Variants in CANX observed in about 807,000 individuals in gnomAD.
CANX encodes epididymis secretory sperm binding protein.
Under a neutral mutation model 75.7 loss-of-function variants are expected in CANX, and 14 were observed. The ratio of observed to expected loss-of-function variants is 0.19; its 90% CI spans 0.12 to 0.29. The LOEUF (loss-of-function observed/expected upper bound fraction) is 0.29. CANX is among the 10% of genes least tolerant of loss of function. The probability of loss-of-function intolerance (pLI) is 1.00; values close to 1 mark genes in which losing one functional copy is unlikely to be tolerated. For missense variants in CANX, 567 were observed against 713.2 expected, an observed-to-expected ratio of 0.79 and a Z score of 2.34; for synonymous variants, 227 against 236.9, an observed-to-expected ratio of 0.96 and a Z score of 0.38.
At chr5:179,696,747 T>G (rs1426431796), upstream of CANX, among the ~76,000 whole-genome samples, 1 of 152,226 alleles carries the variant, frequency 6.6e-6, no homozygotes, top group African/African-American at 2.4e-5. Context: ...CTTTTTCACA[T>G]GACACTAAAT....
At chr5:179,683,999 T>G (rs1776137103) in intron 1 of CANX, among the ~76,000 whole-genome samples, 1 of 152,186 alleles carries the variant, frequency 6.6e-6, no homozygotes, top group African/African-American at 2.4e-5. Context: ...TGATGCACAT[T>G]TGGGTTGTTT....
At chr5:179,715,926 T>G (rs188175424) in intron 7 of CANX, 179 bp from the exon 8 acceptor site, 1 of 690,736 alleles carries the variant, frequency 1.4e-6, no homozygotes, top group Non-Finnish European at 2.6e-6. Context: ...CATTTATGTT[T>G]CGTGCATAAG....
chr5:179,712,585 A>ATTT (rs755031455), intron 7 of CANX, among the ~76,000 whole-genome samples: 4 of 133,328 alleles, frequency 3.0e-5, no homozygotes, highest in African/African-American at 5.5e-5. Context: ...CGCCTGGCTA[A>ATTT]TTTTTTTTTT....
At chr5:179,699,355 C>G (rs930565315) in intron 1 of CANX, among the ~76,000 whole-genome samples, 1 of 152,206 alleles carries the variant, frequency 6.6e-6, no homozygotes. Context: ...CTTCTTTGAC[C>G]TCTGGGAAAG....
chr5:179,720,263 T>C (rs967837297), intron 9 of CANX, 141 bp from the exon 10 acceptor site: 3 of 490,466 alleles, frequency 6.1e-6, no homozygotes, highest in African/African-American at 2.0e-5. Flanking sequence ...TGAAAAACTG[T>C]TATTACTGGA....
At chr5:179,706,410 A>G in intron 3 of CANX, 79 bp downstream of exon 3, 2 of 685,686 alleles carry the variant, frequency 2.9e-6, no homozygotes, top group Non-Finnish European at 5.1e-6. Flanking sequence ...TTTGGATAGC[A>G]TCTTTTATAG....
rs888707053 is a variant in CANX at position 179,723,192 on chromosome 5, TGTA to T, written c.1398+176_1398+178del. 1.3e-5 allele frequency among the ~76,000 whole-genome samples: 2 copies of T among 152,190 alleles called. 1 individual carries two copies. Among genetic ancestry groups the T allele is most frequent in the African/African-American group, 4.8e-5 (2 of 41,448 alleles). Reference sequence around the variant, plus strand: ...TTGGGGCATGATTTCATTAGTCTAATGTAGTGGCTTTAGAGTCTGTTTGTGTTC... The same window carrying T: ...TTGGGGCATGATTTCATTAGTCTAATGTGGCTTTAGAGTCTGTTTGTGTTC... On this transcript the variant is annotated intron_variant, in intron 11 of 14. Coordinates refer to ENST00000247461, the MANE Select transcript of CANX (RefSeq NM_001746.4).
intron 8 of CANX, among the ~76,000 whole-genome samples, chr5:179,718,622 G>A (rs892011364): frequency 1.2e-4 from 19 of 152,108 alleles, no homozygotes; most frequent in Admixed American, 1.3e-4. Flanking sequence ...TCTGCCTCCC[G>A]GTTTCAAGTG....
upstream of CANX, chr5:179,694,415 G>A: frequency 1.6e-6 from 1 of 632,390 alleles, no homozygotes; most frequent in Non-Finnish European, 2.8e-6. Flanking sequence ...GGGAAATGAA[G>A]GGACCAGCTA....
chr5:179,697,224 A>AT (rs1220016721), upstream of CANX, among the ~76,000 whole-genome samples: 9 of 151,632 alleles, frequency 5.9e-5, no homozygotes, highest in African/African-American at 1.9e-4. Flanking sequence ...TGCCAGGCTA[A>AT]TTTTTTTATT....
chr5:179,694,022 T>G (rs1340434347), upstream of CANX, among the ~76,000 whole-genome samples: 1 of 151,668 alleles, frequency 6.6e-6, no homozygotes, highest in Non-Finnish European at 1.5e-5. Flanking sequence ...CTTATGCCTG[T>G]AATCCCAGCT....
intron 7 of CANX, among the ~76,000 whole-genome samples, chr5:179,711,514 C>T (rs1010920122): frequency 4.6e-5 from 7 of 152,138 alleles, no homozygotes; most frequent in Admixed American, 2.0e-4. Flanking sequence ...TTTGGCCAGG[C>T]ATGGTGGCTC....
chr5:179,699,172 C>T (rs980965558), intron 1 of CANX, 70 bp downstream of exon 1: 14 of 925,874 alleles, frequency 1.5e-5, no homozygotes, highest in South Asian at 4.3e-5. Flanking sequence ...GCCTCTGCGG[C>T]TGAGGGGTCG....
At chr5:179,682,928 T>G (rs1258125913) in intron 1 of CANX, among the ~76,000 whole-genome samples, 1 of 152,052 alleles carries the variant, frequency 6.6e-6, no homozygotes, top group Non-Finnish European at 1.5e-5. Context: ...TGGGCATGTT[T>G]GAAGGACACG....
At chr5:179,728,454 G>A in intron 14 of CANX, 137 bp from the exon 15 acceptor site, 1 of 617,308 alleles carries the variant, frequency 1.6e-6, no homozygotes, top group Non-Finnish European at 2.9e-6. Context: ...ATTCTTCTTG[G>A]TGCATTTTCT....
Position 179,731,141 on chromosome 5 carries a change from G to A in CANX, c.*2497G>A, listed in dbSNP as rs1276629709. ...GCCTCTTCCTGCCCATGTGATTGCGGTGCAGTAGTTTCTGTTGTATAATAG... is the reference window on the plus strand; with the variant it reads ...GCCTCTTCCTGCCCATGTGATTGCGATGCAGTAGTTTCTGTTGTATAATAG... On this transcript the variant is annotated 3_prime_UTR_variant, in exon 15 of 15. Transcript: ENST00000247461. Among the ~76,000 whole-genome samples the A allele has an allele frequency of 2.0e-5, 3 of 152,168 alleles. No individual in the cohort carries two copies. The highest frequency in any genetic ancestry group is 7.2e-5 in the African/African-American group (3 of 41,442).
chr5:179,684,098 C>CA (rs1361034686), intron 1 of CANX, among the ~76,000 whole-genome samples: 1 of 152,152 alleles, frequency 6.6e-6, no homozygotes, highest in African/African-American at 2.4e-5. Context: ...CTTAAGTAAA[C>CA]ACCTAGGAAT....
At chr5:179,695,068 G>A (rs1460970941), upstream of CANX, among the ~76,000 whole-genome samples, 1 of 104,002 alleles carries the variant, frequency 9.6e-6, no homozygotes, top group Non-Finnish European at 2.3e-5. Context: ...ATTTATTTTT[G>A]AGACGGAATC....
upstream of CANX, among the ~76,000 whole-genome samples, chr5:179,693,715 T>C (rs918073172): frequency 6.6e-6 from 1 of 151,586 alleles, no homozygotes; most frequent in Non-Finnish European, 1.5e-5. Flanking sequence ...TGGTGGTGCA[T>C]GCCTATAGTC....
Sources: gnomAD v4.1 joint callset for allele counts (sites outside exome capture counted in the v4.1 genomes callset) on GRCh38, gnomAD v4.1.1 for gene constraint, MANE v1.5 for transcripts, NCBI Gene and HGNC (gene_info 2026-07-23, HGNC 2026-07-21) for gene names.